HS3ST3A1: variants seen among roughly 807,000 people sequenced by gnomAD.
HS3ST3A1 encodes heparan sulfate-glucosamine 3-sulfotransferase 3A1, also known as heparan sulfate glucosamine 3-O-sulfotransferase 3A1.
Under a neutral mutation model 25.7 loss-of-function variants are expected in HS3ST3A1, and 19 were observed. That is an observed-to-expected ratio of 0.74 (90% CI 0.52 to 1.08). The LOEUF is 1.08. Among genes scored for constraint, HS3ST3A1 ranks in the 50% least tolerant of loss-of-function variants. The probability of loss-of-function intolerance (pLI) is 0.00; values close to 1 mark genes in which losing one functional copy is unlikely to be tolerated. For synonymous variants in HS3ST3A1, 226 were observed against 278.6 expected, an observed-to-expected ratio of 0.81 and a Z score of 1.88; for missense variants, 459 against 594.3, an observed-to-expected ratio of 0.77 and a Z score of 2.37.
At chr17:13,579,864 C>T (rs9789074) in intron 1 of HS3ST3A1, among the ~76,000 whole-genome samples, 32,636 of 141,732 alleles carry the variant, frequency 0.23, 3,789 homozygotes, top group South Asian at 0.35. Flanking sequence ...CCCAGTTATT[C>T]GGGAGCCTGG....
At chr17:13,557,266 T>G (rs1009445003) in intron 1 of HS3ST3A1, among the ~76,000 whole-genome samples, 3 of 152,182 alleles carry the variant, frequency 2.0e-5, no homozygotes, top group Non-Finnish European at 4.4e-5. Context: ...CTAGACCTCC[T>G]GTTTATCTGA....
intron 1 of HS3ST3A1, among the ~76,000 whole-genome samples, chr17:13,577,852 T>C (rs1188331556): frequency 6.7e-6 from 1 of 149,670 alleles, no homozygotes; most frequent in African/African-American, 2.5e-5. Flanking sequence ...ACAAGAAATT[T>C]TGGTAGCAGT....
chr17:13,514,048 A>G (rs1905967414), intron 1 of HS3ST3A1, among the ~76,000 whole-genome samples: 2 of 152,084 alleles, frequency 1.3e-5, no homozygotes, highest in South Asian at 2.1e-4. Flanking sequence ...TATGTTTTCA[A>G]TTAGACCATT....
At chr17:13,588,811 G>A (rs2142390459) in intron 1 of HS3ST3A1, among the ~76,000 whole-genome samples, 1 of 152,176 alleles carries the variant, frequency 6.6e-6, no homozygotes, top group East Asian at 1.9e-4. Context: ...AGCCTCCCAA[G>A]TAGCTGGGAC....
At chr17:13,593,232 C>CAAAAAAAAAAAAA (rs1226882967) in intron 1 of HS3ST3A1, among the ~76,000 whole-genome samples, 1 of 56,784 alleles carries the variant, frequency 1.8e-5, no homozygotes, top group Admixed American at 2.0e-4. Flanking sequence ...ATGTTTGTAG[C>CAAAAAAAAAAAAA]CAAAAAAAAA....
At chr17:13,564,279 G>C (rs753476577) in intron 1 of HS3ST3A1, among the ~76,000 whole-genome samples, 5 of 152,140 alleles carry the variant, frequency 3.3e-5, no homozygotes, top group Non-Finnish European at 5.9e-5. Flanking sequence ...TTCTCAAAAG[G>C]TTCAGATGCT....
intron 1 of HS3ST3A1, among the ~76,000 whole-genome samples, chr17:13,523,503 A>G (rs968465631): frequency 1.3e-5 from 2 of 152,218 alleles, no homozygotes; most frequent in Non-Finnish European, 2.9e-5. Context: ...GTTGAATATC[A>G]AATGTTGCAA....
At chr17:13,502,560 C>T (rs1053344991) in intron 1 of HS3ST3A1, among the ~76,000 whole-genome samples, 10 of 152,132 alleles carry the variant, frequency 6.6e-5, no homozygotes. Context: ...TTCTCATTGC[C>T]CTCATGTTGT....
In HS3ST3A1 at chr17:13,601,319, C is replaced by G. The variant is rs377228476; in HGVS notation, c.-190G>C. 4.0e-6 allele frequency: 2 copies of G among 506,314 alleles called. No homozygotes were observed. The highest frequency in any genetic ancestry group is 3.5e-5 in the East Asian group (1 of 28,438). The allele number at this position is 506,314 out of a possible 1,614,324, so 31.4% of individuals were successfully genotyped here. On this transcript the variant is annotated 5_prime_UTR_variant, in exon 1 of 2. Transcript: ENST00000284110. ...CGGGGAAACGGAATCCCGGGGGCCC[C>G]GCGCAGGATCCCTGCCTCCAGTCGA...
chr17:13,524,681 T>A (rs193067812), intron 1 of HS3ST3A1, among the ~76,000 whole-genome samples: 2 of 152,350 alleles, frequency 1.3e-5, no homozygotes, highest in East Asian at 3.9e-4. Context: ...ATGGATTGTA[T>A]CAATATCAAT....
intron 1 of HS3ST3A1, among the ~76,000 whole-genome samples, chr17:13,540,643 T>G (rs539317353): frequency 1.3e-5 from 2 of 152,332 alleles, no homozygotes; most frequent in South Asian, 4.1e-4. Flanking sequence ...TTTTCAAAAC[T>G]TAAGGAGAGG....
At chr17:13,509,220 C>T (rs772375702) in intron 1 of HS3ST3A1, among the ~76,000 whole-genome samples, 23 of 152,078 alleles carry the variant, frequency 1.5e-4, no homozygotes, top group Admixed American at 2.0e-4. Flanking sequence ...GGGAAAAAGA[C>T]CTTTATGCTC....
intron 1 of HS3ST3A1, among the ~76,000 whole-genome samples, chr17:13,599,862 T>A (rs1243913642): frequency 6.6e-6 from 1 of 152,264 alleles, no homozygotes; most frequent in African/African-American, 2.4e-5. Flanking sequence ...AGACAAAAGT[T>A]ACTTTTCCCT....
intron 1 of HS3ST3A1, among the ~76,000 whole-genome samples, chr17:13,585,845 T>G (rs1183821341): frequency 2.3e-5 from 3 of 129,736 alleles, no homozygotes; most frequent in Admixed American, 7.5e-5. Flanking sequence ...TCTGCGTTTT[T>G]TTTTTTTTTT....
At chr17:13,548,733 C>T (rs1907158359) in intron 1 of HS3ST3A1, among the ~76,000 whole-genome samples, 1 of 152,162 alleles carries the variant, frequency 6.6e-6, no homozygotes. Context: ...ACGCACCAAT[C>T]ATCACTCTGT....
At chr17:13,567,481 C>T (rs1235738409) in intron 1 of HS3ST3A1, among the ~76,000 whole-genome samples, 2 of 152,112 alleles carry the variant, frequency 1.3e-5, no homozygotes, top group African/African-American at 4.8e-5. Context: ...CTATAGCTAC[C>T]ATAGATAGTG....
chr17:13,537,786 C>T (rs555986239), intron 1 of HS3ST3A1, among the ~76,000 whole-genome samples: 2 of 152,282 alleles, frequency 1.3e-5, no homozygotes, highest in East Asian at 3.9e-4. Context: ...GAGGGTAGGG[C>T]TACCCTGGAG....
At chr17:13,556,180 T>A (rs11655175) in intron 1 of HS3ST3A1, 31,650 of 152,192 alleles carry the variant, frequency 0.21, 3,448 homozygotes, top group African/African-American at 0.26. Flanking sequence ...CCAGAAGGAC[T>A]TCAATCTCCC....
At chr17:13,549,825 G>T (rs1326200779) in intron 1 of HS3ST3A1, among the ~76,000 whole-genome samples, 1 of 152,070 alleles carries the variant, frequency 6.6e-6, no homozygotes, top group Non-Finnish European at 1.5e-5. Context: ...ATTTTAGTTC[G>T]CCATAAAGAG....
Sources: allele counts gnomAD v4.1 joint callset (sites outside exome capture counted in the v4.1 genomes callset), GRCh38; gene constraint gnomAD v4.1.1; transcripts MANE v1.5; gene names NCBI Gene and HGNC (gene_info 2026-07-23, HGNC 2026-07-21).